The following IFT172 variants were observed in gnomAD, a reference collection of about 807,000 sequenced individuals.
IFT172 encodes intraflagellar transport protein 172 homolog.
In IFT172, 164 loss-of-function variants were observed where a neutral mutation model predicts 248.9. The ratio of observed to expected loss-of-function variants is 0.66; its 90% CI spans 0.58 to 0.75. IFT172 has a LOEUF of 0.75. Among genes scored for constraint, IFT172 ranks in the 30% least tolerant of loss-of-function variants. The pLI is 0.00. For synonymous variants in IFT172, 729 were observed against 791.6 expected (o/e 0.92, Z 1.33); for missense variants, 1,950 against 2,192.4 (o/e 0.89, Z 2.21).
chr2:27,472,416 T>C (rs1455484813), intron 14 of IFT172, 54 bp from the exon 15 acceptor site: 3 of 1,379,224 alleles, frequency 2.2e-6, no homozygotes, highest in Non-Finnish European at 3.0e-6. Context: ...ATATACATAG[T>C]ATGGCCAACA....
rs149180905 is a variant in IFT172 at position 27,479,680 on chromosome 2, C to T, written c.910-76G>A. The stretch of plus-strand genomic sequence containing the variant: ...TGGGGAGAGTATCTAGAGACATCCT[C>T]AAAACCTAAGCTCTAGAGTCTAGAG... On this transcript the variant is annotated intron_variant, in intron 9 of 47. Coordinates refer to ENST00000260570, the MANE Select transcript of IFT172 (RefSeq NM_015662.3). 4.1e-4 allele frequency: 399 copies of T among 979,884 alleles called. No homozygotes were observed. In the Middle Eastern group the frequency reaches 4.2e-3, roughly 10 times the overall value. 60.7% of individuals were successfully genotyped at this position (979,884 alleles called of 1,614,324 possible).
chr2:27,483,542 A>G (rs1558415233), intron 6 of IFT172, 38 bp downstream of exon 6: 1 of 1,602,432 alleles, frequency 6.2e-7, no homozygotes, highest in Non-Finnish European at 8.5e-7. Flanking sequence ...TTTTCCTAAC[A>G]CTTCCAGACT....
intron 21 of IFT172, 30 bp downstream of exon 21, chr2:27,461,729 G>T: frequency 6.2e-7 from 1 of 1,613,472 alleles, no homozygotes; most frequent in South Asian, 1.1e-5. Context: ...ACCAAATTCT[G>T]AACAACTGTG....
In IFT172 at chr2:27,485,340, C is replaced by T. The variant is rs1447221851; in HGVS notation, c.183+20G>A. Reference sequence around the variant, plus strand: ...CCCCATCAATAGGTTAAATAAGGTACACATGAATACACTGTTTACCTTCAT... The same window carrying T: ...CCCCATCAATAGGTTAAATAAGGTATACATGAATACACTGTTTACCTTCAT... On this transcript the variant is annotated intron_variant, in intron 2 of 47. Transcript: ENST00000260570. 6.2e-7 allele frequency: 1 copy of T among 1,613,524 alleles called. No homozygotes were observed. Among genetic ancestry groups the T allele is most frequent in the Non-Finnish European group, 8.5e-7 (1 of 1,179,922 alleles).
In IFT172 at chr2:27,453,700, C is replaced by A. The variant is rs751716803; in HGVS notation, c.3751G>T (p.Asp1251Tyr). 1.2e-6 allele frequency: 2 copies of A among 1,612,470 alleles called. No homozygotes were observed. Among genetic ancestry groups the A allele is most frequent in the Non-Finnish European group, 1.7e-6 (2 of 1,179,598 alleles). Residue 1251 changes from aspartate to tyrosine, a missense_variant, in exon 34 of 48, where the codon GAC becomes TAC. Physicochemically the swap from Asp to Tyr is radical, Grantham distance 160. Coordinates refer to ENST00000260570, the MANE Select transcript of IFT172 (RefSeq NM_015662.3). ...LWSDALRICK[D>Y]YVPSQLEALQ... ...GCCTCCAGCTGGCTGGGCACATAGT[C>A]CTTGCAGATGCGCAGAGCGTCACTC...
chr2:27,468,436 G>T (rs1667287873), intron 16 of IFT172, among the ~76,000 whole-genome samples: 1 of 151,856 alleles, frequency 6.6e-6, no homozygotes, highest in African/African-American at 2.4e-5. Flanking sequence ...GTTTCGCCAT[G>T]TTAGCCAGGC....
intron 7 of IFT172, among the ~76,000 whole-genome samples, chr2:27,482,688 A>C (rs969974553): frequency 6.6e-6 from 1 of 151,960 alleles, no homozygotes; most frequent in African/African-American, 2.4e-5. Context: ...TAAACTATTA[A>C]CTCTTTTTTC....
At chr2:27,467,706 CAAG>C (rs1667212477) in intron 16 of IFT172, among the ~76,000 whole-genome samples, 1 of 141,704 alleles carries the variant, frequency 7.1e-6, no homozygotes, top group Non-Finnish European at 1.5e-5. Context: ...AAATGTAAAA[CAAG>C]AAATCTAACA....
At chr2:27,487,657 G>A (rs749959452) in intron 1 of IFT172, among the ~76,000 whole-genome samples, 1 of 151,920 alleles carries the variant, frequency 6.6e-6, no homozygotes, top group Non-Finnish European at 1.5e-5. Context: ...GCAGTGGTGC[G>A]ATCTTGACTC....
At chr2:27,459,024 T>G in intron 25 of IFT172, 156 bp from the exon 26 acceptor site, 1 of 754,800 alleles carries the variant, frequency 1.3e-6, no homozygotes, top group South Asian at 2.0e-5. Context: ...TCTCATACAT[T>G]CTACCATTTA....
rs748519553 is a variant in IFT172 at position 27,478,118 on chromosome 2, C to T, written c.1044G>A (p.Val348=). Residue 348 remains valine (V), a synonymous_variant, in exon 11 of 48, where the codon GTG becomes GTA. Coordinates refer to ENST00000260570, the MANE Select transcript of IFT172 (RefSeq NM_015662.3). ...CCTCATAGCCATAGTGTGACTTGAG[C>T]ACCACTCGGGTTCCTGATGACAGGT... ...VKNLSSGTRV[V]LKSHYGYEVE... 4 of 1,614,154 alleles carry T rather than the reference C, an allele frequency of 2.5e-6. No homozygotes were observed. The South Asian group carries it at 3.3e-5, about 13-fold the overall frequency.
chr2:27,446,413 C>T (rs1279117691), intron 42 of IFT172, 58 bp from the exon 43 acceptor site: 3 of 1,459,890 alleles, frequency 2.1e-6, no homozygotes, highest in Non-Finnish European at 2.9e-6. Context: ...GCTACCAGAC[C>T]AATGATCCTG....
intron 29 of IFT172, among the ~76,000 whole-genome samples, chr2:27,457,307 T>C (rs967484478): frequency 1.3e-5 from 2 of 152,118 alleles, no homozygotes; most frequent in Non-Finnish European, 2.9e-5. Flanking sequence ...AGGTGGCTCA[T>C]AGCTGTAATC....
chr2:27,444,743 G>A (rs1235830237), intron 47 of IFT172, among the ~76,000 whole-genome samples: 1 of 152,128 alleles, frequency 6.6e-6, no homozygotes, highest in African/African-American at 2.4e-5. Flanking sequence ...TGCCTCTCGG[G>A]TTTAAGCGAT....
In IFT172 at chr2:27,476,642, T is replaced by C. The variant is rs1203009355; in HGVS notation, c.1410A>G (p.Ile470Met). 6.5e-7 allele frequency: 1 copy of C among 1,534,682 alleles called. No individual in the cohort carries two copies. Among genetic ancestry groups the C allele is most frequent in the South Asian group, 1.1e-5 (1 of 88,944 alleles). Residue 470 changes from isoleucine (I) to methionine (M), a missense_variant and splice_region_variant, in exon 14 of 48, where the codon ATA (isoleucine) becomes ATG (methionine). Physicochemically the swap from Ile to Met is conservative, Grantham distance 10. Coordinates refer to ENST00000260570, the MANE Select transcript of IFT172 (RefSeq NM_015662.3). ...AAATTATGAGAGAGTCTTACTCACC[T>C]ATAGCAATAGTCTTAATATCAATAA... is the stretch of plus-strand genomic sequence containing the variant. ...AYLIDIKTIAIVDLIGGYNIG... is the reference protein window; with the variant it reads ...AYLIDIKTIAMVDLIGGYNIG...
In IFT172 at chr2:27,453,527, A is replaced by G; in HGVS notation, c.3822-14T>C. The G allele has an allele frequency of 6.2e-7, 1 of 1,613,150 alleles. No individual in the cohort carries two copies. The highest frequency in any genetic ancestry group is 8.5e-7 in the Non-Finnish European group (1 of 1,179,236). On this transcript the variant is annotated splice_polypyrimidine_tract_variant and intron_variant, in intron 34 of 47. Coordinates refer to ENST00000260570, the MANE Select transcript of IFT172 (RefSeq NM_015662.3). ...CCCTCCACACCCCTGTGGAGATGAG[A>G]GCGCTGGGACTTGGCATGGTAGGGG...
chr2:27,488,895 A>G (rs1460443041), intron 1 of IFT172, among the ~76,000 whole-genome samples: 5 of 152,196 alleles, frequency 3.3e-5, no homozygotes. Context: ...ACAAAAAATT[A>G]CCCGGGCGTG....
In IFT172 at chr2:27,478,028, C is replaced by G. The variant is rs748753565; in HGVS notation, c.1134G>C (p.Leu378=). ...YLVAHTSETL[L]LGDLNTNRLS... is the part of the protein sequence containing the mutation. ...GCCGATTAGTGTTCAGGTCCCCCAG[C>G]AGCAGTGTTTCTGATGTGTGAGCCA... The change falls in exon 11 of 48, where the codon CTG becomes CTC. Residue 378 remains leucine, a synonymous_variant. Transcript: ENST00000260570. The G allele has an allele frequency of 1.2e-6, 2 of 1,614,162 alleles. No individual in the cohort carries two copies. The highest frequency in any genetic ancestry group is 1.7e-5 in the Admixed American group (1 of 60,010).
At chr2:27,461,627 A>G (rs1356971794) in intron 21 of IFT172, 110 bp from the exon 22 acceptor site, 8 of 1,501,104 alleles carry the variant, frequency 5.3e-6, no homozygotes, top group Non-Finnish European at 5.5e-6. Flanking sequence ...GGTCAGCAGT[A>G]TCCTAACTCC....
Sources: allele counts gnomAD v4.1 joint callset (sites outside exome capture counted in the v4.1 genomes callset), GRCh38; gene constraint gnomAD v4.1.1; transcripts MANE v1.5; gene names NCBI Gene and HGNC (gene_info 2026-07-23, HGNC 2026-07-21).